E2F7: variants seen among roughly 807,000 people sequenced by gnomAD.
The protein encoded by E2F7 is transcription factor E2F7.
A neutral mutation model predicts 81.1 loss-of-function variants in E2F7; 35 were observed. The observed-to-expected ratio is 0.43, with a 90% CI of 0.33 to 0.57. E2F7 has a LOEUF of 0.57. E2F7 is among the 20% of genes least tolerant of loss of function. E2F7 has a pLI of 0.04. For missense variants in E2F7, 961 were observed against 1,093.7 expected (o/e 0.88, Z 1.71); for synonymous variants, 416 against 416.2 (o/e 1.00, Z 0.01).
Position 77,064,616 on chromosome 12 carries a change from G to A in E2F7, c.20C>T (p.Thr7Ile). 1 of 1,613,804 alleles carries A rather than the reference G, an allele frequency of 6.2e-7. No individual in the cohort carries two copies. MEVNCLTLKDLISPRQP... is the reference protein window; with the variant it reads MEVNCLILKDLISPRQP... ...CCTGGGGCTGATCAGGTCTTTTAGT[G>A]TTAAACAATTTACCTCCATCTGTAA... Residue 7 changes from threonine to isoleucine, a missense_variant, in exon 2 of 13, where the codon ACA becomes ATA. Physicochemically the swap from Thr to Ile is moderately conservative, Grantham distance 89 (BLOSUM62 -1). Transcript: ENST00000322886.
chr12:77,027,352 T>C (rs1954768092), intron 11 of E2F7, among the ~76,000 whole-genome samples: 1 of 152,248 alleles, frequency 6.6e-6, no homozygotes, highest in Non-Finnish European at 1.5e-5. Context: ...ATGTATTATC[T>C]TATTAAATTT....
chr12:77,050,978 C>G (rs1307700130), intron 3 of E2F7, among the ~76,000 whole-genome samples: 1 of 151,970 alleles, frequency 6.6e-6, no homozygotes, highest in Non-Finnish European at 1.5e-5. Flanking sequence ...AAAAGTTTGA[C>G]AAATGAAAAA....
intron 4 of E2F7, among the ~76,000 whole-genome samples, chr12:77,047,873 T>A (rs1207308786): frequency 6.6e-6 from 1 of 152,186 alleles, no homozygotes; most frequent in East Asian, 1.9e-4. Context: ...TGTTTTCATG[T>A]ATTAACACAT....
intron 6 of E2F7, among the ~76,000 whole-genome samples, chr12:77,043,858 C>G (rs117137561): frequency 6.6e-6 from 1 of 152,070 alleles, no homozygotes; most frequent in African/African-American, 2.4e-5. Context: ...GAGACAGGCA[C>G]GATAATGACC....
At chr12:77,062,887 TAA>T (rs200772361) in intron 2 of E2F7, among the ~76,000 whole-genome samples, 43 of 131,830 alleles carry the variant, frequency 3.3e-4, no homozygotes, top group East Asian at 1.1e-3. Flanking sequence ...CTTAGATAAT[TAA>T]AAAAAAAAAA....
rs773567761 is a variant in E2F7 at position 77,024,123 on chromosome 12, T to C, written c.2628A>G (p.Thr876=). 43 of 1,613,630 alleles carry C rather than the reference T, an allele frequency of 2.7e-5. No homozygotes were observed. Among genetic ancestry groups the C allele is most frequent in the Non-Finnish European group, 3.6e-5 (42 of 1,179,946 alleles). The stretch of plus-strand genomic sequence containing the variant: ...GGACAGGGTCTCCAAGGCTGCCGGG[T>C]GTCTTGAAAAACGTCTCACGATGTG... ...QRTHRETFFK[T]PGSLGDPVLK... Residue 876 remains threonine (T), a synonymous_variant, in exon 13 of 13, where the codon ACA becomes ACG. Transcript: ENST00000322886.
At chr12:77,053,882 C>T (rs74601167) in intron 3 of E2F7, among the ~76,000 whole-genome samples, 5,054 of 152,160 alleles carry the variant, frequency 0.033, 115 homozygotes, top group Middle Eastern at 0.058. Flanking sequence ...TTAATTACAT[C>T]GCATCCATTT....
chr12:77,059,960 CAAAAAAAAAAAA>C (rs59663589), intron 2 of E2F7, among the ~76,000 whole-genome samples: 1 of 77,222 alleles, frequency 1.3e-5, no homozygotes, highest in Non-Finnish European at 2.5e-5. Context: ...GATTCTGTCT[CAAAAAAAAAAAA>C]AAAAAAAAAA....
intron 3 of E2F7, among the ~76,000 whole-genome samples, chr12:77,051,425 A>C (rs977562571): frequency 7.9e-5 from 12 of 151,554 alleles, no homozygotes; most frequent in African/African-American, 2.2e-4. Context: ...TAAATTTAAC[A>C]GTCATTCATG....
chr12:77,037,506 T>A (rs1174768115), intron 7 of E2F7, among the ~76,000 whole-genome samples: 1 of 152,178 alleles, frequency 6.6e-6, no homozygotes, highest in Non-Finnish European at 1.5e-5. Context: ...TTGACAACAA[T>A]GGCACAAAGG....
chr12:77,030,631 C>G (rs143716577), intron 9 of E2F7, among the ~76,000 whole-genome samples: 160 of 152,306 alleles, frequency 1.1e-3, no homozygotes, highest in African/African-American at 3.5e-3. Flanking sequence ...AATTATCAAG[C>G]ACTTACACCC....
intron 12 of E2F7, among the ~76,000 whole-genome samples, chr12:77,024,998 T>G (rs1954746142): frequency 6.6e-6 from 1 of 152,018 alleles, no homozygotes; most frequent in South Asian, 2.1e-4. Flanking sequence ...ATTGATAACG[T>G]ATCTTTGTGT....
chr12:77,026,182 C>T (rs1319918517), intron 11 of E2F7, among the ~76,000 whole-genome samples, 200 bp from the exon 12 acceptor site: 1 of 152,228 alleles, frequency 6.6e-6, no homozygotes, highest in Non-Finnish European at 1.5e-5. Context: ...CCACATTTAT[C>T]TGTGTGATCA....
At chr12:77,027,697 A>G (rs1401129495) in intron 11 of E2F7, among the ~76,000 whole-genome samples, 186 bp downstream of exon 11, 1 of 152,152 alleles carries the variant, frequency 6.6e-6, no homozygotes, top group African/African-American at 2.4e-5. Context: ...ATTACTCCTG[A>G]AGTTGGTGAA....
At chr12:77,048,494 A>G (rs1954961249) in intron 4 of E2F7, among the ~76,000 whole-genome samples, 1 of 152,180 alleles carries the variant, frequency 6.6e-6, no homozygotes, top group South Asian at 2.1e-4. Context: ...CATGATATCC[A>G]GTGTTAAATC....
At chr12:77,052,671 G>GA (rs1258810598) in intron 3 of E2F7, among the ~76,000 whole-genome samples, 1 of 151,826 alleles carries the variant, frequency 6.6e-6, no homozygotes, top group Admixed American at 6.6e-5. Context: ...CCCTTAAAAG[G>GA]AAAAAATGAA....
At chr12:77,037,261 G>A (rs1954859322) in intron 7 of E2F7, among the ~76,000 whole-genome samples, 1 of 152,126 alleles carries the variant, frequency 6.6e-6, no homozygotes, top group Admixed American at 6.5e-5. Flanking sequence ...ATGGGTTAGG[G>A]TTAGACAATT....
chr12:77,030,842 C>T (rs1461782063), intron 9 of E2F7, among the ~76,000 whole-genome samples: 1 of 152,088 alleles, frequency 6.6e-6, no homozygotes, highest in Non-Finnish European at 1.5e-5. Flanking sequence ...ATGGCAAAAC[C>T]CATGTTCTCA....
intron 4 of E2F7, among the ~76,000 whole-genome samples, chr12:77,049,147 TG>T (rs1193432956): frequency 6.6e-6 from 1 of 152,136 alleles, no homozygotes; most frequent in Non-Finnish European, 1.5e-5. Flanking sequence ...CACATCTTGT[TG>T]AGGGAGTATA....
Sources: gnomAD v4.1 joint callset for allele counts (sites outside exome capture counted in the v4.1 genomes callset) on GRCh38, gnomAD v4.1.1 for gene constraint, MANE v1.5 for transcripts, NCBI Gene and HGNC (gene_info 2026-07-23, HGNC 2026-07-21) for gene names.